The following ATRNL1 variants were observed in gnomAD, a reference collection of about 807,000 sequenced individuals.
ATRNL1 encodes attractin-like protein 1.
ATRNL1 carries 95 observed loss-of-function variants against 182.7 expected under a neutral mutation model. The observed-to-expected ratio is 0.52, with a 90% confidence interval of 0.44 to 0.62. The LOEUF is 0.62. ATRNL1 is among the 20% of genes least tolerant of loss of function. The pLI is 0.00. For missense variants in ATRNL1, 1,471 were observed against 1,679.5 expected (o/e 0.88, Z 2.17); for synonymous variants, 576 against 568.3 (o/e 1.01, Z -0.19).
intron 25 of ATRNL1, among the ~76,000 whole-genome samples, chr10:115,538,383 G>C (rs1331960064): frequency 6.6e-6 from 1 of 152,140 alleles, no homozygotes; most frequent in Non-Finnish European, 1.5e-5. Context: ...TTTTATTTTA[G>C]CCATTCTGAT....
At chr10:115,433,659 A>G (rs1451642446) in intron 21 of ATRNL1, among the ~76,000 whole-genome samples, 2 of 152,106 alleles carry the variant, frequency 1.3e-5, no homozygotes, top group Non-Finnish European at 2.9e-5. Context: ...TTTATTTCAG[A>G]ACTATTTACT....
At chr10:115,474,158 A>G (rs899367163) in intron 24 of ATRNL1, among the ~76,000 whole-genome samples, 2 of 151,388 alleles carry the variant, frequency 1.3e-5, no homozygotes, top group Admixed American at 6.6e-5. Context: ...CCTAGTAGTC[A>G]TGAAGTTCTT....
chr10:115,755,218 T>C (rs1255834740), intron 27 of ATRNL1, among the ~76,000 whole-genome samples: 1 of 151,964 alleles, frequency 6.6e-6, no homozygotes, highest in African/African-American at 2.4e-5. Flanking sequence ...TGAAGAGGAG[T>C]GGTGAGAGAG....
intron 19 of ATRNL1, among the ~76,000 whole-genome samples, chr10:115,347,997 G>C (rs1289428831): frequency 6.6e-6 from 1 of 152,058 alleles, no homozygotes; most frequent in Non-Finnish European, 1.5e-5. Flanking sequence ...TTTTTGAGAT[G>C]CAGTCTTGCT....
At chr10:115,874,977 G>A (rs1220820437) in intron 28 of ATRNL1, among the ~76,000 whole-genome samples, 5 of 152,090 alleles carry the variant, frequency 3.3e-5, no homozygotes, top group African/African-American at 9.7e-5. Flanking sequence ...TTAAAGAGTG[G>A]GATCAGAAGC....
At chr10:115,581,114 T>G (rs1183278243) in intron 26 of ATRNL1, among the ~76,000 whole-genome samples, 1 of 152,170 alleles carries the variant, frequency 6.6e-6, no homozygotes, top group African/African-American at 2.4e-5. Context: ...CTGTGTTGGT[T>G]TCTGCACAGT....
intron 18 of ATRNL1, among the ~76,000 whole-genome samples, chr10:115,330,907 G>A (rs1592464255): frequency 6.6e-6 from 1 of 151,728 alleles, no homozygotes; most frequent in Admixed American, 6.6e-5. Flanking sequence ...GAACACTAAT[G>A]ATACACAGAT....
intron 27 of ATRNL1, among the ~76,000 whole-genome samples, chr10:115,749,600 A>G (rs1319008169): frequency 6.6e-6 from 1 of 151,894 alleles, no homozygotes; most frequent in Non-Finnish European, 1.5e-5. Flanking sequence ...AATGTTTAAA[A>G]CTGATCTTTT....
At chr10:115,339,988 TATG>T (rs1309794594) in intron 19 of ATRNL1, among the ~76,000 whole-genome samples, 1 of 152,226 alleles carries the variant, frequency 6.6e-6, no homozygotes, top group Non-Finnish European at 1.5e-5. Flanking sequence ...ATTCTAGTGA[TATG>T]ATGTGTCACA....
At chr10:115,501,159 C>G (rs1438541950) in intron 24 of ATRNL1, among the ~76,000 whole-genome samples, 1 of 151,932 alleles carries the variant, frequency 6.6e-6, no homozygotes. Context: ...GTCTTGAACT[C>G]CTAACCTCAG....
At chr10:115,334,532 T>A in intron 19 of ATRNL1, 113 bp downstream of exon 19, 1 of 651,554 alleles carries the variant, frequency 1.5e-6, no homozygotes, top group Non-Finnish European at 2.3e-6. Context: ...TTACTCAGTT[T>A]TAGTATGTTT....
intron 26 of ATRNL1, among the ~76,000 whole-genome samples, chr10:115,664,438 A>G (rs568274256): frequency 1.3e-5 from 2 of 152,166 alleles, no homozygotes; most frequent in Non-Finnish European, 2.9e-5. Context: ...TTCTATTTTT[A>G]ATTTGCTATG....
chr10:115,768,999 A>T (rs952174026), intron 27 of ATRNL1, among the ~76,000 whole-genome samples: 5 of 152,128 alleles, frequency 3.3e-5, no homozygotes, highest in African/African-American at 1.2e-4. Flanking sequence ...ATATAGACAT[A>T]TGAATGAGAA....
chr10:115,392,357 G>A (rs1187939487), intron 19 of ATRNL1, among the ~76,000 whole-genome samples: 1 of 151,772 alleles, frequency 6.6e-6, no homozygotes, highest in Non-Finnish European at 1.5e-5. Context: ...TTTTTCCCTT[G>A]ATCTTGTATG....
chr10:115,490,609 G>A (rs1849251991), intron 24 of ATRNL1, among the ~76,000 whole-genome samples: 1 of 152,048 alleles, frequency 6.6e-6, no homozygotes. Context: ...GGTTATTCTA[G>A]TTAGCAATTC....
intron 27 of ATRNL1, among the ~76,000 whole-genome samples, chr10:115,735,057 CATT>C (rs1368514025): frequency 2.0e-5 from 3 of 152,064 alleles, no homozygotes; most frequent in African/African-American, 7.2e-5. Flanking sequence ...TTGAATTAAA[CATT>C]ATTGTTGTTG....
chr10:115,129,428 G>C lies in ATRNL1; in HGVS notation c.722G>C (p.Gly241Ala). The change falls in exon 5 of 29, where the codon GGT becomes GCT. Residue 241 changes from glycine to alanine, a missense_variant. Physicochemically the swap from Gly to Ala is moderately conservative, Grantham distance 60. Coordinates refer to ENST00000355044, the MANE Select transcript of ATRNL1 (RefSeq NM_207303.4). ...TGTGAATGTGATAAATACTGGAAGGGTGAAGCTTGTGATATTCCTTACTGT... is the reference window on the plus strand; with the variant it reads ...TGTGAATGTGATAAATACTGGAAGGCTGAAGCTTGTGATATTCCTTACTGT... ...VYCECDKYWK[G>A]EACDIPYCKA... 6.2e-7 allele frequency: 1 copy of C among 1,614,056 alleles called. No homozygotes were observed. Among genetic ancestry groups the C allele is most frequent in the Non-Finnish European group, 8.5e-7 (1 of 1,179,950 alleles).
intron 26 of ATRNL1, among the ~76,000 whole-genome samples, chr10:115,557,189 A>AT (rs1343208807): frequency 1.3e-5 from 2 of 152,132 alleles, no homozygotes; most frequent in Non-Finnish European, 2.9e-5. Flanking sequence ...GAGGAGTTAA[A>AT]TTTTTAATGT....
intron 19 of ATRNL1, among the ~76,000 whole-genome samples, chr10:115,392,296 A>G (rs1844068355): frequency 6.6e-6 from 1 of 152,124 alleles, no homozygotes; most frequent in African/African-American, 2.4e-5. Flanking sequence ...TAATCAAAAT[A>G]CAGTAGTTTT....
Sources: gnomAD v4.1 joint callset for allele counts (sites outside exome capture counted in the v4.1 genomes callset) on GRCh38, gnomAD v4.1.1 for gene constraint, MANE v1.5 for transcripts, NCBI Gene and HGNC (gene_info 2026-07-23, HGNC 2026-07-21) for gene names.